SUMF1: variants seen among roughly 807,000 people sequenced by gnomAD.
SUMF1 encodes formylglycine-generating enzyme.
In SUMF1, 48 loss-of-function variants were observed where a neutral mutation model predicts 47.6. The ratio of observed to expected loss-of-function variants is 1.01; its 90% confidence interval spans 0.80 to 1.28. The LOEUF is 1.28. Ranked by LOEUF, SUMF1 falls within the 50% of genes most tolerant of loss-of-function variation. SUMF1 has a pLI of 0.00. For missense variants in SUMF1, 571 were observed against 485.4 expected, an observed-to-expected ratio of 1.18 and a Z score of -1.66; for synonymous variants, 230 against 192.1, an observed-to-expected ratio of 1.20 and a Z score of -1.63.
chr3:4,291,635 G>C (rs981058686), intron 8 of SUMF1, among the ~76,000 whole-genome samples: 4 of 152,180 alleles, frequency 2.6e-5, no homozygotes, highest in African/African-American at 9.7e-5. Flanking sequence ...CCATGATCCT[G>C]TTTGATTGGT....
At chr3:4,140,826 C>CT (rs1397997826) in intron 8 of SUMF1, among the ~76,000 whole-genome samples, 3 of 151,888 alleles carry the variant, frequency 2.0e-5, no homozygotes, top group African/African-American at 7.3e-5. Flanking sequence ...TAGCTGTAAA[C>CT]TTTTTTAAAA....
At chr3:4,062,030 G>A (rs541990947) in intron 9 of SUMF1, among the ~76,000 whole-genome samples, 26 of 151,786 alleles carry the variant, frequency 1.7e-4, no homozygotes, top group African/African-American at 1.9e-4. Flanking sequence ...CTCTAATACC[G>A]TCTCACCCTC....
intron 8 of SUMF1, among the ~76,000 whole-genome samples, chr3:4,191,933 A>G (rs1695323846): frequency 1.3e-5 from 2 of 152,200 alleles, no homozygotes; most frequent in African/African-American, 4.8e-5. Flanking sequence ...AGAGAGATTA[A>G]TTCTGTGAGA....
At chr3:4,395,216 A>G (rs1022434925) in intron 7 of SUMF1, among the ~76,000 whole-genome samples, 1 of 152,190 alleles carries the variant, frequency 6.6e-6, no homozygotes, top group Non-Finnish European at 1.5e-5. Context: ...TGGCACCTGC[A>G]GGCTTATCTC....
chr3:4,038,605 G>A (rs777353817), intron 9 of SUMF1, among the ~76,000 whole-genome samples: 2 of 152,168 alleles, frequency 1.3e-5, no homozygotes, highest in Non-Finnish European at 2.9e-5. Context: ...TTGCTGGGGA[G>A]CAAAGGGCGA....
Position 4,459,583 on chromosome 3 carries a change from T to C in SUMF1, c.271-6534A>G, listed in dbSNP as rs79469917. ...CCCAATAAAAATGGTGCTGTTTTCA[T>C]TTATGATAAATTAGTAATAAATGTG... On this transcript the variant is annotated intron_variant, in intron 1 of 8. Transcript: ENST00000272902. 1.3e-3 allele frequency among the ~76,000 whole-genome samples: 202 copies of C among 152,326 alleles called. 1 individual carries two copies. Among genetic ancestry groups the C allele is most frequent in the African/African-American group, 4.7e-3 (194 of 41,570 alleles).
At chr3:4,297,800 C>T (rs1481382917) in intron 8 of SUMF1, among the ~76,000 whole-genome samples, 2 of 152,074 alleles carry the variant, frequency 1.3e-5, no homozygotes, top group Admixed American at 1.3e-4. Flanking sequence ...TCACTGGCTA[C>T]AAAGTACATC....
At chr3:4,251,778 G>C (rs1181859467) in intron 8 of SUMF1, among the ~76,000 whole-genome samples, 1 of 152,156 alleles carries the variant, frequency 6.6e-6, no homozygotes, top group Non-Finnish European at 1.5e-5. Context: ...ACCTTCATCA[G>C]TCAGGGACCA....
chr3:4,075,204 A>C (rs1029968436), intron 8 of SUMF1, among the ~76,000 whole-genome samples: 5 of 152,130 alleles, frequency 3.3e-5, no homozygotes, highest in African/African-American at 1.2e-4. Flanking sequence ...AAGTCAATAA[A>C]CATAATCCAT....
At position 4,420,264 on chromosome 3, in the gene SUMF1, A is replaced by C. The variant is rs1460478787; in HGVS notation, c.520-118T>G. ...TCAACTTCCATTTGGATTACCAAAC[A>C]AATACATTTGCCAGAATACCAAAAT... On this transcript the variant is annotated intron_variant, in intron 3 of 8. Coordinates refer to ENST00000272902, the MANE Select transcript of SUMF1 (RefSeq NM_182760.4). The C allele has an allele frequency of 2.2e-5, 17 of 773,000 alleles. No homozygotes were observed. The South Asian group carries it at 2.3e-4, about 10-fold the overall frequency. 47.9% of individuals were successfully genotyped at this position (773,000 alleles called of 1,614,324 possible).
intron 8 of SUMF1, among the ~76,000 whole-genome samples, chr3:4,234,059 G>A (rs949925508): frequency 2.0e-5 from 3 of 151,984 alleles, no homozygotes; most frequent in African/African-American, 7.2e-5. Context: ...CCTAAACTGG[G>A]AACTTGGATA....
intron 7 of SUMF1, among the ~76,000 whole-genome samples, chr3:4,406,928 AG>A (rs1162327647): frequency 9.9e-5 from 15 of 152,224 alleles, no homozygotes; most frequent in African/African-American, 3.6e-4. Flanking sequence ...TCTCAGACTT[AG>A]GCAACTGAAA....
chr3:4,408,100 C>CT (rs1701430033), intron 7 of SUMF1, among the ~76,000 whole-genome samples: 1 of 152,198 alleles, frequency 6.6e-6, no homozygotes, highest in Admixed American at 6.5e-5. Context: ...CATAAAATGT[C>CT]TGCTAGTCAG....
downstream of SUMF1, among the ~76,000 whole-genome samples, chr3:4,357,987 T>C (rs1389282060): frequency 1.3e-5 from 2 of 152,040 alleles, no homozygotes; most frequent in African/African-American, 4.8e-5. Flanking sequence ...TGAGATGCTC[T>C]GTTCAAAAAA....
At chr3:4,260,318 CA>C (rs1697058552) in intron 8 of SUMF1, among the ~76,000 whole-genome samples, 1 of 152,098 alleles carries the variant, frequency 6.6e-6, no homozygotes, top group Non-Finnish European at 1.5e-5. Flanking sequence ...TAATTGATAC[CA>C]GGCAATAAAA....
At chr3:4,171,377 A>T (rs538790368) in intron 8 of SUMF1, among the ~76,000 whole-genome samples, 1 of 152,282 alleles carries the variant, frequency 6.6e-6, no homozygotes, top group South Asian at 2.1e-4. Flanking sequence ...AGGGTAAATT[A>T]ACTTTTTGAG....
At chr3:4,103,340 G>C (rs1023863471) in intron 8 of SUMF1, among the ~76,000 whole-genome samples, 1 of 152,048 alleles carries the variant, frequency 6.6e-6, no homozygotes, top group Non-Finnish European at 1.5e-5. Context: ...GTCCATATTA[G>C]ATGAATTATA....
chr3:4,242,002 T>C (rs1451733168), intron 8 of SUMF1, among the ~76,000 whole-genome samples: 1 of 152,176 alleles, frequency 6.6e-6, no homozygotes, highest in African/African-American at 2.4e-5. Context: ...CGTTCCCTAC[T>C]GCACACGTGC....
chr3:4,049,915 A>T (rs1263088001), intron 9 of SUMF1, among the ~76,000 whole-genome samples: 1 of 151,864 alleles, frequency 6.6e-6, no homozygotes. Context: ...TGGAAGGGGG[A>T]TGGAGTGGGA....
Sources: allele counts gnomAD v4.1 joint callset (sites outside exome capture counted in the v4.1 genomes callset), GRCh38; gene constraint gnomAD v4.1.1; transcripts MANE v1.5; gene names NCBI Gene and HGNC (gene_info 2026-07-23, HGNC 2026-07-21).